The following LRBA variants were observed in gnomAD, a reference collection of about 807,000 sequenced individuals.
LRBA encodes the protein LPS responsive beige-like anchor protein, also known as lipopolysaccharide-responsive and beige-like anchor protein.
In LRBA, 176 loss-of-function variants were observed where a neutral mutation model predicts 330.0. The observed-to-expected ratio is 0.53, with a 90% confidence interval of 0.47 to 0.60. The LOEUF (loss-of-function observed/expected upper bound fraction) is 0.60, where lower values mean the gene tolerates loss of function less well. LRBA is among the 20% of genes least tolerant of loss of function. The pLI, the probability that LRBA is intolerant of heterozygous loss-of-function variation, is 0.00. For missense variants in LRBA, 3,259 were observed against 3,444.8 expected (o/e 0.95, Z 1.35); for synonymous variants, 1,230 against 1,193.0 (o/e 1.03, Z -0.64).
At chr4:150,841,382 T>C (rs142143396) in intron 28 of LRBA, among the ~76,000 whole-genome samples, 13 of 152,328 alleles carry the variant, frequency 8.5e-5, no homozygotes, top group African/African-American at 2.9e-4. Context: ...ACTCAAGAAA[T>C]AGATTTGCTT....
At chr4:150,341,407 G>A (rs560276911) in intron 48 of LRBA, among the ~76,000 whole-genome samples, 1 of 151,996 alleles carries the variant, frequency 6.6e-6, no homozygotes, top group East Asian at 1.9e-4. Context: ...CCCTCAAGCA[G>A]TCCTCCTGCC....
At chr4:150,857,441 AAC>A (rs900202014) in intron 22 of LRBA, among the ~76,000 whole-genome samples, 12 of 152,190 alleles carry the variant, frequency 7.9e-5, no homozygotes, top group Non-Finnish European at 1.3e-4. Flanking sequence ...TCATTTTTAA[AAC>A]AGTCATTTTG....
At chr4:150,368,675 CT>C (rs1739839088) in intron 47 of LRBA, among the ~76,000 whole-genome samples, 1 of 152,152 alleles carries the variant, frequency 6.6e-6, no homozygotes, top group African/African-American at 2.4e-5. Flanking sequence ...TTATATTTCA[CT>C]TAATCATCCT....
chr4:150,668,989 T>TATAGAGATAGC (rs1781814716), intron 37 of LRBA, among the ~76,000 whole-genome samples: 1 of 152,106 alleles, frequency 6.6e-6, no homozygotes, highest in African/African-American at 2.4e-5. Flanking sequence ...GCCCTGGTCT[T>TATAGAGATAGC]AAATCCCAGT....
intron 47 of LRBA, among the ~76,000 whole-genome samples, chr4:150,352,595 C>T (rs1737327006): frequency 6.6e-6 from 1 of 152,102 alleles, no homozygotes; most frequent in Non-Finnish European, 1.5e-5. Flanking sequence ...AAAACTGCTT[C>T]ATATTTTACT....
intron 17 of LRBA, among the ~76,000 whole-genome samples, chr4:150,892,023 T>C (rs1294336827): frequency 6.6e-6 from 1 of 151,964 alleles, no homozygotes; most frequent in East Asian, 1.9e-4. Context: ...GCCCAGGAGG[T>C]CAAGGCTGCA....
At chr4:150,312,803 A>G (rs1248427168) in intron 51 of LRBA, among the ~76,000 whole-genome samples, 1 of 152,124 alleles carries the variant, frequency 6.6e-6, no homozygotes, top group Non-Finnish European at 1.5e-5. Context: ...TAATGCAGAG[A>G]GTTCAAAGAT....
intron 40 of LRBA, among the ~76,000 whole-genome samples, chr4:150,573,566 A>G (rs1426180996): frequency 3.9e-5 from 6 of 152,180 alleles, no homozygotes; most frequent in Admixed American, 2.0e-4. Flanking sequence ...AATGAGAACA[A>G]TTAGATCTCA....
chr4:150,615,159 A>C (rs1177425719), intron 37 of LRBA, among the ~76,000 whole-genome samples: 1 of 152,240 alleles, frequency 6.6e-6, no homozygotes, highest in Non-Finnish European at 1.5e-5. Flanking sequence ...GAAATGATGG[A>C]ATGTAGGAGG....
intron 35 of LRBA, among the ~76,000 whole-genome samples, chr4:150,752,680 T>C (rs1431877535): frequency 1.3e-5 from 2 of 152,074 alleles, no homozygotes; most frequent in Non-Finnish European, 2.9e-5. Flanking sequence ...CCTGAGAATA[T>C]AAAACCTTAG....
chr4:150,839,885 A>T (rs75097342), intron 28 of LRBA, among the ~76,000 whole-genome samples: 1 of 136,348 alleles, frequency 7.3e-6, no homozygotes, highest in African/African-American at 3.0e-5. Context: ...TTAAAGTATT[A>T]AAAAAAAAAA....
intron 40 of LRBA, among the ~76,000 whole-genome samples, chr4:150,517,346 T>C (rs768412744): frequency 2.6e-5 from 4 of 151,876 alleles, no homozygotes; most frequent in Non-Finnish European, 4.4e-5. Context: ...ACACAGGGAC[T>C]CTGTCTCTAC....
intron 39 of LRBA, 85 bp downstream of exon 39, chr4:150,590,628 C>G (rs936507926): frequency 1.6e-5 from 19 of 1,207,524 alleles, no homozygotes; most frequent in Non-Finnish European, 2.3e-5. Flanking sequence ...CTTGGTAGTC[C>G]TAGTGGTCAC....
In LRBA at chr4:150,456,186, C is replaced by T. The variant is rs564073203; in HGVS notation, c.6780+11487G>A. Reference sequence around the variant, plus strand: ...TGATTTCCTTTCTTTAGGGTATACACCTAGAAGTGGAATTGTTGGATCATA... The same window carrying T: ...TGATTTCCTTTCTTTAGGGTATACATCTAGAAGTGGAATTGTTGGATCATA... On this transcript the variant is annotated intron_variant, in intron 44 of 56. Transcript: ENST00000651943. Among the ~76,000 whole-genome samples, 3 of 152,166 alleles carry T rather than the reference C, an allele frequency of 2.0e-5. No homozygotes were observed. The South Asian group carries it at 6.2e-4, about 32-fold the overall frequency.
chr4:150,467,567 G>T, intron 44 of LRBA, 106 bp downstream of exon 44: 1 of 620,204 alleles, frequency 1.6e-6, no homozygotes, highest in Non-Finnish European at 2.8e-6. Context: ...TTAAAGGTAC[G>T]ACTATATTTG....
chr4:150,637,979 TA>T (rs1215093751), intron 37 of LRBA, among the ~76,000 whole-genome samples: 1 of 152,160 alleles, frequency 6.6e-6, no homozygotes, highest in Non-Finnish European at 1.5e-5. Context: ...CAATTTCTAT[TA>T]AAAAAATTCT....
At chr4:150,274,276 A>C (rs1746486551) in intron 56 of LRBA, among the ~76,000 whole-genome samples, 1 of 152,220 alleles carries the variant, frequency 6.6e-6, no homozygotes, top group African/African-American at 2.4e-5. Flanking sequence ...CAAAGACACA[A>C]CATACCAGAA....
At chr4:150,371,296 G>A (rs563005190) in intron 47 of LRBA, among the ~76,000 whole-genome samples, 2 of 146,186 alleles carry the variant, frequency 1.4e-5, no homozygotes, top group Non-Finnish European at 3.0e-5. Context: ...GGGTTCAAGC[G>A]ATTCTCCTGA....
intron 13 of LRBA, among the ~76,000 whole-genome samples, chr4:150,901,291 C>G (rs910307001): frequency 1.1e-5 from 1 of 93,808 alleles, no homozygotes; most frequent in Non-Finnish European, 3.1e-5. Context: ...AGAGACCCTG[C>G]CTCAAAAAAA....
Sources: gnomAD v4.1 joint callset for allele counts (sites outside exome capture counted in the v4.1 genomes callset) on GRCh38, gnomAD v4.1.1 for gene constraint, MANE v1.5 for transcripts, NCBI Gene and HGNC (gene_info 2026-07-23, HGNC 2026-07-21) for gene names.